The following ME1 variants were observed in gnomAD, a reference collection of about 807,000 sequenced individuals.
ME1 encodes the protein NADP-dependent malic enzyme.
ME1 carries 74 observed loss-of-function variants against 66.4 expected under a neutral mutation model. The ratio of observed to expected loss-of-function variants is 1.11; its 90% CI spans 0.92 to 1.35. The LOEUF (loss-of-function observed/expected upper bound fraction) is 1.35. Ranked by LOEUF, ME1 falls within the 40% of genes most tolerant of loss-of-function variation. The pLI is 0.00. For missense variants in ME1, 750 were observed against 694.1 expected (o/e 1.08, Z -0.90); for synonymous variants, 251 against 235.6 (o/e 1.07, Z -0.60).
intron 11 of ME1, among the ~76,000 whole-genome samples, chr6:83,224,795 A>G (rs1790158740): frequency 6.7e-6 from 1 of 148,928 alleles, no homozygotes; most frequent in South Asian, 2.1e-4. Context: ...AGAATTGGCA[A>G]GGAAGAAGAA....
rs542191098 is a variant in ME1, at chr6:83,257,677, A to G, written c.705-3939T>C. Reference sequence around the variant, plus strand: ...AAAAATGTTACTAAAAACTGGTAAAATCATTTCTATGGTTACAAATTATTA... The same window carrying G: ...AAAAATGTTACTAAAAACTGGTAAAGTCATTTCTATGGTTACAAATTATTA... On this transcript the variant is annotated intron_variant, in intron 6 of 13. Coordinates refer to ENST00000369705, the MANE Select transcript of ME1 (RefSeq NM_002395.6). 2.4e-4 allele frequency among the ~76,000 whole-genome samples: 37 copies of G among 152,350 alleles called. No homozygotes were observed. The South Asian group carries it at 6.2e-3, about 26-fold the overall frequency.
chr6:83,416,417 G>A (rs573275934), intron 1 of ME1, among the ~76,000 whole-genome samples: 1 of 152,228 alleles, frequency 6.6e-6, no homozygotes, highest in East Asian at 1.9e-4. Flanking sequence ...CAGTGCTTCT[G>A]GTGAAGAACC....
At chr6:83,259,449 C>T (rs1766842065) in intron 6 of ME1, among the ~76,000 whole-genome samples, 1 of 152,054 alleles carries the variant, frequency 6.6e-6, no homozygotes, top group African/African-American at 2.4e-5. Flanking sequence ...TTAAGATGGG[C>T]CCTTGGTAGA....
chr6:83,252,056 T>G (rs1790734207), intron 7 of ME1, among the ~76,000 whole-genome samples: 2 of 152,110 alleles, frequency 1.3e-5, no homozygotes, highest in African/African-American at 4.8e-5. Flanking sequence ...GAGAAATCTA[T>G]GAAAAACACA....
chr6:83,285,932 T>A (rs1454153315), intron 6 of ME1, among the ~76,000 whole-genome samples: 1 of 152,218 alleles, frequency 6.6e-6, no homozygotes, highest in Non-Finnish European at 1.5e-5. Flanking sequence ...GGATACGGCT[T>A]ATCTTCATGT....
At chr6:83,294,318 CAG>C (rs1344364952) in intron 6 of ME1, among the ~76,000 whole-genome samples, 2 of 152,188 alleles carry the variant, frequency 1.3e-5, no homozygotes, top group African/African-American at 2.4e-5. Flanking sequence ...CTTAAGGTTA[CAG>C]AGTCTTCAGA....
chr6:83,219,955 G>T (rs937081736), intron 12 of ME1, among the ~76,000 whole-genome samples: 1 of 152,026 alleles, frequency 6.6e-6, no homozygotes, highest in African/African-American at 2.4e-5. Context: ...AATAGCTTCT[G>T]GTGTCAGATC....
intron 3 of ME1, among the ~76,000 whole-genome samples, chr6:83,355,073 T>C (rs1199882513): frequency 6.6e-6 from 1 of 152,224 alleles, no homozygotes; most frequent in Non-Finnish European, 1.5e-5. Context: ...GTATTTTGTT[T>C]CTCAAAATTG....
chr6:83,296,620 C>A (rs748311432), intron 6 of ME1, among the ~76,000 whole-genome samples: 5 of 152,180 alleles, frequency 3.3e-5, no homozygotes, highest in Non-Finnish European at 7.3e-5. Context: ...GACAAGGATG[C>A]CCTCTCTCAC....
intron 7 of ME1, among the ~76,000 whole-genome samples, chr6:83,240,457 C>A (rs1790490932): frequency 6.6e-6 from 1 of 152,046 alleles, no homozygotes; most frequent in Non-Finnish European, 1.5e-5. Context: ...AAAACTTCAC[C>A]AGTTCCAATT....
At chr6:83,326,081 C>CTCAGAAATAACACCACACATCTACA (rs1768284967) in intron 5 of ME1, among the ~76,000 whole-genome samples, 1 of 152,080 alleles carries the variant, frequency 6.6e-6, no homozygotes, top group African/African-American at 2.4e-5. Context: ...GAACAGAGGC[C>CTCAGAAATAACACCACACATCTACA]TCAGAAATAA....
chr6:83,397,850 T>A (rs1353073527), intron 3 of ME1, among the ~76,000 whole-genome samples: 1 of 152,190 alleles, frequency 6.6e-6, no homozygotes, highest in Non-Finnish European at 1.5e-5. Flanking sequence ...ACCTTTAGGA[T>A]ATTACGTTAA....
At chr6:83,281,430 C>T (rs1184546882) in intron 6 of ME1, among the ~76,000 whole-genome samples, 1 of 152,116 alleles carries the variant, frequency 6.6e-6, no homozygotes, top group African/African-American at 2.4e-5. Flanking sequence ...TTATTAGGTA[C>T]TCTTTCTATA....
intron 1 of ME1, among the ~76,000 whole-genome samples, chr6:83,412,888 A>G (rs1381579439): frequency 6.6e-6 from 1 of 152,210 alleles, no homozygotes; most frequent in Non-Finnish European, 1.5e-5. Context: ...TGATAGAACC[A>G]TTCCTTATTG....
chr6:83,213,363 G>A (rs1789932082), intron 13 of ME1, among the ~76,000 whole-genome samples: 2 of 151,758 alleles, frequency 1.3e-5, no homozygotes, highest in African/African-American at 4.8e-5. Flanking sequence ...GGCAGAGGTT[G>A]CAGTGAGCCG....
At chr6:83,320,352 T>C (rs931413740) in intron 5 of ME1, among the ~76,000 whole-genome samples, 2 of 152,250 alleles carry the variant, frequency 1.3e-5, no homozygotes, top group Non-Finnish European at 1.5e-5. Context: ...TAATTAGTAA[T>C]GGCACCCTCT....
At chr6:83,346,058 A>G in intron 5 of ME1, 115 bp downstream of exon 5, 2 of 828,568 alleles carry the variant, frequency 2.4e-6, no homozygotes, top group Non-Finnish European at 3.6e-6. Flanking sequence ...TGGAGAGAGA[A>G]AGAGAACCAG....
intron 6 of ME1, among the ~76,000 whole-genome samples, chr6:83,257,283 A>G (rs776804431): frequency 5.9e-5 from 9 of 151,974 alleles, no homozygotes; most frequent in Non-Finnish European, 1.5e-5. Flanking sequence ...TCTAAAAGGT[A>G]TATTTCAGAA....
chr6:83,257,548 T>TG (rs1019163842), intron 6 of ME1, among the ~76,000 whole-genome samples: 2 of 152,110 alleles, frequency 1.3e-5, no homozygotes, highest in African/African-American at 2.4e-5. Flanking sequence ...TAAAATGGGA[T>TG]GGGGGGTCAA....
Sources: allele counts gnomAD v4.1 joint callset (sites outside exome capture counted in the v4.1 genomes callset), GRCh38; gene constraint gnomAD v4.1.1; transcripts MANE v1.5; gene names NCBI Gene and HGNC (gene_info 2026-07-23, HGNC 2026-07-21).